The following TESMIN variants were observed in gnomAD, a reference collection of about 807,000 sequenced individuals.
TESMIN encodes the protein CXC domain containing 2.
TESMIN carries 34 observed loss-of-function variants against 47.4 expected under a neutral mutation model. The ratio of observed to expected loss-of-function variants is 0.72; its 90% CI spans 0.55 to 0.96. The LOEUF is 0.96. TESMIN is among the 40% of genes least tolerant of loss of function. The probability of loss-of-function intolerance (pLI) is 0.00; values close to 1 mark genes in which losing one functional copy is unlikely to be tolerated. For missense variants in TESMIN, 610 were observed against 637.2 expected (o/e 0.96, Z 0.46); for synonymous variants, 278 against 258.9 (o/e 1.07, Z -0.71).
intron 9 of TESMIN, chr11:68,710,507 G>A (rs1268330819): frequency 1.0e-5 from 2 of 195,242 alleles, no homozygotes; most frequent in East Asian, 1.3e-4. Context: ...AGGGAGGTAC[G>A]CACTGTCTTT....
intron 6 of TESMIN, among the ~76,000 whole-genome samples, chr11:68,726,968 G>A (rs1471741102): frequency 6.6e-6 from 1 of 151,758 alleles, no homozygotes; most frequent in Non-Finnish European, 1.5e-5. Context: ...GAGGCAGGAG[G>A]ATTGCTGGAC....
intron 6 of TESMIN, chr11:68,738,283 C>A (rs981241173): frequency 1.0e-6 from 1 of 999,934 alleles, no homozygotes; most frequent in East Asian, 1.1e-4. Flanking sequence ...AGGCAGCGGG[C>A]GGAGGCAGCT....
At chr11:68,711,141 G>A (rs925115314) in intron 8 of TESMIN, 92 bp from the exon 9 acceptor site, 62 of 1,126,856 alleles carry the variant, frequency 5.5e-5, no homozygotes, top group African/African-American at 3.1e-4. Context: ...AATTCTTCGC[G>A]TATATTTGCC....
chr11:68,738,074 T>G, intron 6 of TESMIN: 1 of 985,778 alleles, frequency 1.0e-6, no homozygotes, highest in Non-Finnish European at 1.2e-6. Flanking sequence ...GTTAACCTGA[T>G]AATTTCAACC....
intron 5 of TESMIN, among the ~76,000 whole-genome samples, chr11:68,739,037 C>G (rs1389200512): frequency 6.6e-6 from 1 of 152,172 alleles, no homozygotes; most frequent in East Asian, 1.9e-4. Context: ...GCAGGGCTGG[C>G]CTCCACGGGC....
chr11:68,736,272 A>G, intron 6 of TESMIN: 1 of 985,420 alleles, frequency 1.0e-6, no homozygotes, highest in Middle Eastern at 5.2e-4. Context: ...GATTTGTATT[A>G]AAGAGTTTTT....
At position 68,707,751 on chromosome 11, in the gene TESMIN, C is replaced by T. The variant is rs1211706686; in HGVS notation, c.*557G>A. 6 of 446,032 alleles carry T rather than the reference C, an allele frequency of 1.3e-5. No individual in the cohort carries two copies. The highest frequency in any genetic ancestry group is 3.1e-5 in the South Asian group (2 of 63,988). 27.6% of individuals were successfully genotyped at this position (446,032 alleles called of 1,614,324 possible). On this transcript the variant is annotated 3_prime_UTR_variant, in exon 10 of 10. Coordinates refer to ENST00000255087, the MANE Select transcript of TESMIN (RefSeq NM_004923.3). ...GGCCTTAGGAAAGACTGACAGTTCG[C>T]GTGCCTCTGGGGAAATATCTACGCT...
chr11:68,710,159 CA>C (rs1252782113), intron 9 of TESMIN, among the ~76,000 whole-genome samples: 3 of 151,350 alleles, frequency 2.0e-5, no homozygotes, highest in East Asian at 1.9e-4. Context: ...GCCCTGGTCT[CA>C]AAAAAAAGAC....
In TESMIN at chr11:68,750,297, C is replaced by G. The variant is rs1462087715; in HGVS notation, c.364G>C (p.Val122Leu). ...GGTAGCAGCGAGGACAGGAAGTGCA[C>G]GTTGCAGGCGGGCGGCTGCGGGGCC... Reference protein sequence around the residue: ...LQAPQPPACNVHFLSSLLPAH... With the variant: ...LQAPQPPACNLHFLSSLLPAH... Residue 122 changes from valine (V) to leucine (L), a missense_variant, in exon 2 of 10, where the codon GTG becomes CTG. By Grantham distance (32) the Val-to-Leu change is conservative. Coordinates refer to ENST00000255087, the MANE Select transcript of TESMIN (RefSeq NM_004923.3). 1 of 1,542,822 alleles carries G rather than the reference C, an allele frequency of 6.5e-7. No individual in the cohort carries two copies. Among genetic ancestry groups the G allele is most frequent in the East Asian group, 2.4e-5 (1 of 41,818 alleles).
In TESMIN at chr11:68,747,410, C is replaced by A. The variant is rs143494941; in HGVS notation, c.472-44G>T. The A allele has an allele frequency of 2.0e-6, 3 of 1,524,770 alleles. No individual in the cohort carries two copies. The Admixed American group carries it at 5.1e-5, about 26-fold the overall frequency. 94.5% of individuals were successfully genotyped at this position (1,524,770 alleles called of 1,614,324 possible). Reference sequence around the variant, plus strand: ...TATTTTAGAGAACACATGGTGGACACTGGCTCTTGCAGTTGCATAATTTAG... The same window carrying A: ...TATTTTAGAGAACACATGGTGGACAATGGCTCTTGCAGTTGCATAATTTAG... On this transcript the variant is annotated intron_variant, in intron 2 of 9. Coordinates refer to ENST00000255087, the MANE Select transcript of TESMIN (RefSeq NM_004923.3).
Position 68,710,976 on chromosome 11 carries a change from G to T in TESMIN, c.1232C>A (p.Thr411Lys), listed in dbSNP as rs758001706. The T allele has an allele frequency of 6.2e-7, 1 of 1,613,996 alleles. No homozygotes were observed. The highest frequency in any genetic ancestry group is 1.7e-5 in the Admixed American group (1 of 60,002). ...KNYEESPERK[T>K]LMSMPNYMQT... is the part of the protein sequence containing the mutation. ...CATGTAGTTTGGCATGCTCATTAGT[G>T]TCTTTCGTTCTGGGCTTTCTTCATA... The change falls in exon 9 of 10, where the codon ACA (threonine) becomes AAA (lysine). Residue 411 changes from threonine (T) to lysine (K), a missense_variant. Transcript: ENST00000255087.
At chr11:68,708,846 T>TGG (rs886533119) in intron 9 of TESMIN, among the ~76,000 whole-genome samples, 2 of 151,188 alleles carry the variant, frequency 1.3e-5, no homozygotes, top group Non-Finnish European at 2.9e-5. Context: ...TCCAACTCCC[T>TGG]GGTTCAAGTG....
intron 9 of TESMIN, among the ~76,000 whole-genome samples, chr11:68,709,754 C>T (rs1946040814): frequency 1.3e-5 from 2 of 151,932 alleles, no homozygotes; most frequent in Admixed American, 1.3e-4. Context: ...CAAGACGAGG[C>T]TCCAATGTAC....
chr11:68,738,298 G>A, intron 6 of TESMIN: 1 of 1,002,838 alleles, frequency 1.0e-6, no homozygotes, highest in Non-Finnish European at 1.2e-6. Context: ...GCAGCTGGAG[G>A]GCACTCTGCA....
intron 6 of TESMIN, among the ~76,000 whole-genome samples, chr11:68,723,893 T>G (rs1946231623): frequency 6.6e-6 from 1 of 151,786 alleles, no homozygotes; most frequent in Admixed American, 6.6e-5. Flanking sequence ...CCTTCACCAC[T>G]CCAACTCCAA....
intron 4 of TESMIN, among the ~76,000 whole-genome samples, chr11:68,743,301 C>T (rs757127660): frequency 7.0e-5 from 10 of 143,244 alleles, no homozygotes; most frequent in African/African-American, 1.3e-4. Context: ...TGCAGTAGTG[C>T]GATGTTGGCT....
chr11:68,741,881 C>T (rs1030601697), intron 5 of TESMIN, among the ~76,000 whole-genome samples: 2 of 152,194 alleles, frequency 1.3e-5, no homozygotes, highest in Non-Finnish European at 2.9e-5. Context: ...CATACCAAAA[C>T]TCGGGAAAAA....
chr11:68,738,152 C>A (rs1426235474), intron 6 of TESMIN: 1 of 986,204 alleles, frequency 1.0e-6, no homozygotes, highest in Non-Finnish European at 1.2e-6. Flanking sequence ...ATTATAAACA[C>A]AAGACAGGCA....
chr11:68,711,311 TGTG>T (rs1460527384), intron 8 of TESMIN, among the ~76,000 whole-genome samples: 3 of 150,872 alleles, frequency 2.0e-5, no homozygotes, highest in Non-Finnish European at 4.4e-5. Context: ...TATGAGTGTG[TGTG>T]GGGTGTGTGT....
Sources: allele counts gnomAD v4.1 joint callset (sites outside exome capture counted in the v4.1 genomes callset), GRCh38; gene constraint gnomAD v4.1.1; transcripts MANE v1.5; gene names NCBI Gene and HGNC (gene_info 2026-07-23, HGNC 2026-07-21).